PIGK: variants seen among roughly 807,000 people sequenced by gnomAD.
The protein encoded by PIGK is phosphatidylinositol glycan anchor biosynthesis class K.
In PIGK, 42 loss-of-function variants were observed where a neutral mutation model predicts 50.6. That is an observed-to-expected ratio of 0.83 (90% CI 0.65 to 1.07). The LOEUF is 1.07. Ranked by LOEUF, PIGK falls within the 50% of genes least tolerant of loss-of-function variation. The pLI is 0.00. For missense variants in PIGK, 448 were observed against 488.7 expected, an observed-to-expected ratio of 0.92 and a Z score of 0.78; for synonymous variants, 151 against 156.0, an observed-to-expected ratio of 0.97 and a Z score of 0.24.
intron 9 of PIGK, among the ~76,000 whole-genome samples, chr1:77,145,877 A>T (rs1269328745): frequency 6.6e-6 from 1 of 152,170 alleles, no homozygotes; most frequent in East Asian, 1.9e-4. Flanking sequence ...AAAGTCCAGA[A>T]ATAGACCCCC....
chr1:77,154,906 C>A (rs972749257), intron 8 of PIGK, among the ~76,000 whole-genome samples: 2 of 152,038 alleles, frequency 1.3e-5, no homozygotes, highest in Non-Finnish European at 1.5e-5. Flanking sequence ...TATTGTGAAC[C>A]CTTAACTCTG....
intron 3 of PIGK, among the ~76,000 whole-genome samples, chr1:77,202,745 T>C (rs966171589): frequency 2.0e-5 from 3 of 152,166 alleles, no homozygotes; most frequent in African/African-American, 4.8e-5. Context: ...TTGGATTTTA[T>C]AGAAACAATG....
chr1:77,116,475 G>A (rs1175749118), intron 10 of PIGK, among the ~76,000 whole-genome samples: 1 of 151,926 alleles, frequency 6.6e-6, no homozygotes, highest in African/African-American at 2.4e-5. Flanking sequence ...GTGAGCCACC[G>A]TGCCTGGCCG....
At chr1:77,196,015 C>A (rs1223962125) in intron 3 of PIGK, among the ~76,000 whole-genome samples, 3 of 152,030 alleles carry the variant, frequency 2.0e-5, no homozygotes, top group Non-Finnish European at 4.4e-5. Context: ...GTTTATTATT[C>A]CCATCTTTAT....
chr1:77,166,561 A>AT (rs1232264605), intron 5 of PIGK, among the ~76,000 whole-genome samples, 158 bp downstream of exon 5: 1 of 152,202 alleles, frequency 6.6e-6, no homozygotes, highest in African/African-American at 2.4e-5. Flanking sequence ...CTGTTTTCAG[A>AT]TATCATCTCA....
In PIGK at chr1:77,219,344, A is replaced by G. The variant is rs554331393; in HGVS notation, c.59T>C (p.Leu20Ser). 2 of 1,613,856 alleles carry G rather than the reference A, an allele frequency of 1.2e-6. No individual in the cohort carries two copies. Among genetic ancestry groups the G allele is most frequent in the African/African-American group, 1.3e-5 (1 of 75,046 alleles). ...AATVLATVLL[L>S]SFGSVAASHI... ...ACTAGCGGCCACGCTGCCGAAGGAC[A>G]AGAGCAACACAGTTGCCAAGACAGT... Residue 20 changes from leucine to serine, a missense_variant, in exon 1 of 11, where the codon TTG (leucine) becomes TCG (serine). Transcript: ENST00000370812.
chr1:77,096,355 C>T (rs1341453620), intron 10 of PIGK, among the ~76,000 whole-genome samples: 1 of 152,128 alleles, frequency 6.6e-6, no homozygotes, highest in Non-Finnish European at 1.5e-5. Flanking sequence ...TTTATAGAAG[C>T]TGTCAGCAAG....
Position 77,161,304 on chromosome 1 carries a change from C to A in PIGK, c.804G>T (p.Met268Ile), listed in dbSNP as rs1487905997. The A allele has an allele frequency of 9.4e-6, 14 of 1,485,822 alleles. No individual in the cohort carries two copies. The highest frequency in any genetic ancestry group is 1.4e-5 in the African/African-American group (1 of 72,380). 92.0% of individuals were successfully genotyped at this position (1,485,822 alleles called of 1,614,324 possible). A position where few individuals can be genotyped will look rare whatever the true frequency, so the allele number is the denominator to read the frequency against. ...EEINPASQTN[M>I]NDLFQVCPKS... The stretch of plus-strand genomic sequence containing the variant: ...TCAAGTGAATACTTACAAGGTCATT[C>A]ATATTAGTTTGGCTAGCTGGGTTAA... The change falls in exon 8 of 11, where the codon ATG (methionine) becomes ATT (isoleucine). Residue 268 changes from methionine (M) to isoleucine (I), a missense_variant. Met to Ile is a conservative substitution (Grantham distance 10). Coordinates refer to ENST00000370812, the MANE Select transcript of PIGK (RefSeq NM_005482.3).
chr1:77,156,070 T>C (rs1027109976), intron 8 of PIGK, among the ~76,000 whole-genome samples: 8 of 151,448 alleles, frequency 5.3e-5, no homozygotes, highest in African/African-American at 1.9e-4. Flanking sequence ...GGACTCAGGA[T>C]ACAAATTAAA....
At chr1:77,132,644 T>C (rs1228667335) in intron 9 of PIGK, among the ~76,000 whole-genome samples, 1 of 152,084 alleles carries the variant, frequency 6.6e-6, no homozygotes, top group Non-Finnish European at 1.5e-5. Context: ...TGATTCTGGC[T>C]CTCTTCATTC....
chr1:77,100,969 A>G (rs1653528140), intron 10 of PIGK, among the ~76,000 whole-genome samples: 1 of 152,186 alleles, frequency 6.6e-6, no homozygotes, highest in African/African-American at 2.4e-5. Flanking sequence ...AAACTTTGTG[A>G]GACCCTGAAC....
rs1253823766 is a variant in PIGK, at chr1:77,210,600, A to C, written c.94-111T>G. 8.2e-6 allele frequency: 5 copies of C among 606,552 alleles called. No homozygotes were observed. The South Asian group carries it at 1.2e-4, about 15-fold the overall frequency. The allele number at this position is 606,552 out of a possible 1,614,324, so 37.6% of individuals were successfully genotyped here. A position where few individuals can be genotyped will look rare whatever the true frequency, so the allele number is the denominator to read the frequency against. ...TTACAGTTGTAATAACAATCATCTT[A>C]CGTAAGTTTATGAAGATTCCAGTAT... On this transcript the variant is annotated intron_variant, in intron 1 of 10. Coordinates refer to ENST00000370812, the MANE Select transcript of PIGK (RefSeq NM_005482.3).
intron 1 of PIGK, among the ~76,000 whole-genome samples, chr1:77,218,218 T>C (rs1174370147): frequency 6.6e-6 from 1 of 152,350 alleles, no homozygotes; most frequent in South Asian, 2.1e-4. Context: ...GACTTTATTC[T>C]GTATGCAATT....
intron 8 of PIGK, among the ~76,000 whole-genome samples, 159 bp from the exon 9 acceptor site, chr1:77,154,780 A>C (rs186214404): frequency 2.5e-4 from 38 of 152,316 alleles, no homozygotes; most frequent in African/African-American, 8.9e-4. Context: ...TTTCATTCCT[A>C]TCATAATGCT....
At chr1:77,203,072 T>TA (rs572447600) in intron 3 of PIGK, among the ~76,000 whole-genome samples, 1 of 152,206 alleles carries the variant, frequency 6.6e-6, no homozygotes, top group Non-Finnish European at 1.5e-5. Flanking sequence ...GCTCTAATCA[T>TA]AAGTAAACCA....
rs1201189434 is a variant in PIGK at position 77,219,421 on chromosome 1, T to C, written c.-19A>G. The C allele has an allele frequency of 3.1e-6, 5 of 1,607,352 alleles. No homozygotes were observed. Among genetic ancestry groups the C allele is most frequent in the Non-Finnish European group, 4.3e-6 (5 of 1,175,080 alleles). The stretch of plus-strand genomic sequence containing the variant: ...CGGCCATGTTTACCGGCTTCAGACT[T>C]CCCGCACCTGAAGGGGCGGAGGCAG... On this transcript the variant is annotated 5_prime_UTR_variant, in exon 1 of 11. Transcript: ENST00000370812.
chr1:77,097,026 C>T (rs908872983), intron 10 of PIGK, among the ~76,000 whole-genome samples: 14 of 151,370 alleles, frequency 9.2e-5, no homozygotes, highest in African/African-American at 3.4e-4. Context: ...AAATGTCCAA[C>T]AATGATAGAC....
intron 10 of PIGK, among the ~76,000 whole-genome samples, chr1:77,097,142 G>C (rs548672139): frequency 6.6e-6 from 1 of 151,844 alleles, no homozygotes; most frequent in South Asian, 2.1e-4. Context: ...GGAAAGCTTC[G>C]GGTTTTTCTA....
chr1:77,200,684 T>C (rs899165206), intron 3 of PIGK, among the ~76,000 whole-genome samples: 1 of 152,100 alleles, frequency 6.6e-6, no homozygotes, highest in Non-Finnish European at 1.5e-5. Flanking sequence ...ATTGTTTTAA[T>C]TTCTTGGGGA....
Sources: gnomAD v4.1 joint callset for allele counts (sites outside exome capture counted in the v4.1 genomes callset) on GRCh38, gnomAD v4.1.1 for gene constraint, MANE v1.5 for transcripts, NCBI Gene and HGNC (gene_info 2026-07-23, HGNC 2026-07-21) for gene names.